DOCK1: variants seen among roughly 807,000 people sequenced by gnomAD.
DOCK1 encodes the protein dedicator of cytokinesis 1, also known as dedicator of cytokinesis protein 1.
In DOCK1, 138 loss-of-function variants were observed where a neutral mutation model predicts 262.7. The observed-to-expected ratio is 0.53, with a 90% CI of 0.46 to 0.61. DOCK1 has a LOEUF of 0.61. Among genes scored for constraint, DOCK1 ranks in the 20% least tolerant of loss-of-function variants. The pLI is 0.00. For missense variants in DOCK1, 1,908 were observed against 2,370.7 expected, an observed-to-expected ratio of 0.80 and a Z score of 4.05; for synonymous variants, 866 against 867.4, an observed-to-expected ratio of 1.00 and a Z score of 0.03.
intron 27 of DOCK1, among the ~76,000 whole-genome samples, chr10:127,208,611 A>G (rs1407989842): frequency 6.6e-6 from 1 of 152,200 alleles, no homozygotes; most frequent in Non-Finnish European, 1.5e-5. Flanking sequence ...TGAATATTAT[A>G]TTTAATGCCT....
chr10:127,060,694 A>T (rs2045473917), intron 22 of DOCK1, among the ~76,000 whole-genome samples: 1 of 151,850 alleles, frequency 6.6e-6, no homozygotes, highest in Non-Finnish European at 1.5e-5. Flanking sequence ...TCAATTAGTA[A>T]CATATATTAG....
At chr10:127,443,992 G>A in intron 49 of DOCK1, 134 bp from the exon 50 acceptor site, 3 of 1,198,842 alleles carry the variant, frequency 2.5e-6, no homozygotes, top group Non-Finnish European at 2.3e-6. Context: ...TTGATCATTT[G>A]CAAAGACCCT....
intron 29 of DOCK1, among the ~76,000 whole-genome samples, chr10:127,315,327 T>A (rs758038984): frequency 1.3e-5 from 2 of 152,130 alleles, no homozygotes; most frequent in Non-Finnish European, 2.9e-5. Flanking sequence ...TATTTGCAGA[T>A]AGGACCCTTA....
At chr10:126,952,626 G>A (rs1028327034) in intron 1 of DOCK1, among the ~76,000 whole-genome samples, 23 of 147,396 alleles carry the variant, frequency 1.6e-4, no homozygotes, top group Non-Finnish European at 2.7e-4. Context: ...AGTATTGTTG[G>A]TGATGTAGTA....
intron 27 of DOCK1, among the ~76,000 whole-genome samples, chr10:127,168,180 C>A (rs1417130547): frequency 6.6e-6 from 1 of 152,188 alleles, no homozygotes; most frequent in Non-Finnish European, 1.5e-5. Flanking sequence ...CACCCTATCC[C>A]TCTCCTGAAT....
chr10:127,060,680 A>G (rs192853112), intron 22 of DOCK1, among the ~76,000 whole-genome samples: 220 of 152,336 alleles, frequency 1.4e-3, no homozygotes, highest in African/African-American at 5.0e-3. Context: ...AACGAGACTT[A>G]TTTTCAATTA....
intron 1 of DOCK1, among the ~76,000 whole-genome samples, chr10:126,951,314 T>TTGG (rs2036211393): frequency 6.6e-6 from 1 of 150,934 alleles, no homozygotes. Flanking sequence ...GGTAGTATTG[T>TTGG]TGGTAGTATT....
chr10:127,121,839 G>C (rs2049601957), intron 25 of DOCK1, among the ~76,000 whole-genome samples: 2 of 152,150 alleles, frequency 1.3e-5, no homozygotes, highest in African/African-American at 4.8e-5. Context: ...AGGGTTGAGA[G>C]TGGCAGACCT....
intron 1 of DOCK1, among the ~76,000 whole-genome samples, chr10:126,954,344 A>G (rs1400239903): frequency 6.6e-6 from 1 of 152,254 alleles, no homozygotes; most frequent in African/African-American, 2.4e-5. Flanking sequence ...GCTGCTATGT[A>G]GGACCCTCCA....
At chr10:127,217,413 C>T (rs895197274) in intron 27 of DOCK1, among the ~76,000 whole-genome samples, 4 of 152,188 alleles carry the variant, frequency 2.6e-5, no homozygotes, top group African/African-American at 9.7e-5. Context: ...TGACAAGAAG[C>T]CTATCATGTG....
At chr10:127,025,733 AGCC>A (rs2042793576) in intron 15 of DOCK1, among the ~76,000 whole-genome samples, 1 of 152,084 alleles carries the variant, frequency 6.6e-6, no homozygotes. Flanking sequence ...TACAGGCATG[AGCC>A]ACCATGCCCG....
chr10:127,183,349 C>T (rs1006800351), intron 27 of DOCK1, among the ~76,000 whole-genome samples: 1 of 152,124 alleles, frequency 6.6e-6, no homozygotes, highest in Non-Finnish European at 1.5e-5. Context: ...CCCATCAACT[C>T]GACCATCAGA....
chr10:126,906,222 T>C (rs996022593), intron 1 of DOCK1, among the ~76,000 whole-genome samples: 12 of 152,144 alleles, frequency 7.9e-5, no homozygotes, highest in Non-Finnish European at 1.3e-4. Flanking sequence ...CTGTTTTTGC[T>C]CCGCGGCTCT....
rs1001621376 is a variant in DOCK1 at position 126,948,572 on chromosome 10, C to T, written c.47-22130C>T. 1.4e-4 allele frequency among the ~76,000 whole-genome samples: 21 copies of T among 151,972 alleles called. No homozygotes were observed. In the South Asian group the frequency reaches 3.1e-3, roughly 23 times the overall value. ...TTACGTGGGGTGGGGTCGGGATAGGCACCCTGAAACAGGGCCCTCAAAATG... is the reference window on the plus strand; with the variant it reads ...TTACGTGGGGTGGGGTCGGGATAGGTACCCTGAAACAGGGCCCTCAAAATG... On this transcript the variant is annotated intron_variant, in intron 1 of 51. Coordinates refer to ENST00000623213, the MANE Select transcript of DOCK1 (RefSeq NM_001290223.2).
chr10:127,090,854 G>T (rs1350226894), intron 23 of DOCK1, among the ~76,000 whole-genome samples: 1 of 152,092 alleles, frequency 6.6e-6, no homozygotes, highest in East Asian at 1.9e-4. Flanking sequence ...GTATTCCATT[G>T]TATGGACAGA....
At chr10:126,978,970 C>T (rs2038750857) in intron 3 of DOCK1, among the ~76,000 whole-genome samples, 1 of 152,102 alleles carries the variant, frequency 6.6e-6, no homozygotes, top group African/African-American at 2.4e-5. Context: ...CCAGGGTGGT[C>T]CCTATGGCAG....
Position 127,125,585 on chromosome 10 carries a change from T to C in DOCK1, c.2735T>C (p.Leu912Pro). Reference sequence around the variant, plus strand: ...CTGCTCAGCCACATCCTGGAGGTGCTGTACAGGAAGGACGTGGTGAGTGTT... The same window carrying C: ...CTGCTCAGCCACATCCTGGAGGTGCCGTACAGGAAGGACGTGGTGAGTGTT... ...CQLLSHILEV[L>P]YRKDVGPTQR... Residue 912 changes from leucine to proline, a missense_variant, in exon 26 of 52, where the codon CTG (leucine) becomes CCG (proline). Leu to Pro is a moderately conservative substitution (Grantham distance 98, BLOSUM62 -3). Around this residue, in one of 9 missense-constraint regions of DOCK1, gnomAD observed 518 missense variants for 575.1 expected, o/e 0.90. Transcript: ENST00000623213. The C allele has an allele frequency of 3.1e-6, 5 of 1,613,796 alleles. No homozygotes were observed. The highest frequency in any genetic ancestry group is 4.2e-6 in the Non-Finnish European group (5 of 1,179,834).
intron 23 of DOCK1, among the ~76,000 whole-genome samples, chr10:127,094,945 A>G (rs1019920301): frequency 7.9e-5 from 12 of 152,328 alleles, no homozygotes; most frequent in African/African-American, 2.9e-4. Flanking sequence ...TTTGGGGGCT[A>G]TGGAGGCCTC....
intron 1 of DOCK1, among the ~76,000 whole-genome samples, chr10:126,952,864 GGTA>G (rs1406896898): frequency 0.19 from 27,333 of 142,862 alleles, 1,770 homozygotes; most frequent in Admixed American, 0.23. Flanking sequence ...TTGGTGATGT[GGTA>G]GTATTGTTAT....
Sources: gnomAD v4.1 joint callset for allele counts (sites outside exome capture counted in the v4.1 genomes callset) on GRCh38, gnomAD v4.1.1 for gene constraint, gnomAD v4.1.1 regional missense constraint, MANE v1.5 for transcripts, NCBI Gene and HGNC (gene_info 2026-07-23, HGNC 2026-07-21) for gene names.